The following RIGI variants were observed in gnomAD, a reference collection of about 807,000 sequenced individuals.
RIGI encodes antiviral innate immune response receptor RIG-I.
chr9:32,456,290 T>C, the RIGI span: 2 of 152,116 alleles, frequency 1.3e-5, no homozygotes, highest in African/African-American at 4.8e-5. Flanking sequence ...TTTTATCATT[T>C]TTATGCTCTC....
the RIGI span, among the ~76,000 whole-genome samples, chr9:32,479,852 G>T: frequency 5.5e-5 from 8 of 145,396 alleles, no homozygotes; most frequent in Non-Finnish European, 1.2e-4. Context: ...AAAAAAAAAA[G>T]TATACATAAA....
the RIGI span, among the ~76,000 whole-genome samples, chr9:32,470,581 T>C: frequency 6.6e-6 from 1 of 152,222 alleles, no homozygotes; most frequent in Non-Finnish European, 1.5e-5. Context: ...AGCCAGATTT[T>C]GCTACTGACA....
the RIGI span, among the ~76,000 whole-genome samples, chr9:32,486,345 C>G: frequency 6.7e-6 from 1 of 150,326 alleles, no homozygotes; most frequent in African/African-American, 2.5e-5. Context: ...TCCAGCTACT[C>G]AGGAGACTGA....
the RIGI span, among the ~76,000 whole-genome samples, chr9:32,505,282 A>C: frequency 6.6e-6 from 1 of 152,010 alleles, no homozygotes; most frequent in East Asian, 1.9e-4. Flanking sequence ...AAAAATGTAA[A>C]TCAACTTCAT....
the RIGI span, chr9:32,456,865 G>C: frequency 2.4e-6 from 1 of 414,950 alleles, no homozygotes; most frequent in African/African-American, 2.0e-5. Context: ...GTTGGCAGTT[G>C]ACTCTAAAAA....
the RIGI span, among the ~76,000 whole-genome samples, chr9:32,504,810 TAA>T: frequency 4.4e-5 from 6 of 135,498 alleles, no homozygotes; most frequent in African/African-American, 1.6e-4. Context: ...ATAAAATATA[TAA>T]AATATATTTA....
chr9:32,506,223 A>G, the RIGI span, among the ~76,000 whole-genome samples: 1 of 152,180 alleles, frequency 6.6e-6, no homozygotes, highest in African/African-American at 2.4e-5. Context: ...GTCTCAATCA[A>G]TCAATCAATC....
At chr9:32,475,934 T>G in the RIGI span, among the ~76,000 whole-genome samples, 1 of 152,090 alleles carries the variant, frequency 6.6e-6, no homozygotes, top group African/African-American at 2.4e-5. Context: ...ACAGAGGACT[T>G]TTTTGTCAGA....
At chr9:32,487,725 G>T in the RIGI span, 14 of 1,443,304 alleles carry the variant, frequency 9.7e-6, no homozygotes, top group African/African-American at 1.4e-4. Flanking sequence ...GGGGTAGGGC[G>T]TTTTTTTGTT....
the RIGI span, chr9:32,485,076 T>G: frequency 1.2e-6 from 1 of 835,874 alleles, no homozygotes; most frequent in South Asian, 1.8e-5. Flanking sequence ...GGATATGGTC[T>G]TGACATTGTC....
the RIGI span, among the ~76,000 whole-genome samples, chr9:32,502,923 G>C: frequency 6.6e-6 from 1 of 152,144 alleles, no homozygotes; most frequent in Non-Finnish European, 1.5e-5. Context: ...TGACCTCATC[G>C]TAACTAATTA....
At chr9:32,481,865 G>A in the RIGI span, among the ~76,000 whole-genome samples, 13 of 152,282 alleles carry the variant, frequency 8.5e-5, no homozygotes, top group East Asian at 1.2e-3. Context: ...GATTACAGGC[G>A]TGAGCCACTG....
chr9:32,511,111 A>G, the RIGI span, among the ~76,000 whole-genome samples: 1 of 152,212 alleles, frequency 6.6e-6, no homozygotes, highest in Non-Finnish European at 1.5e-5. Flanking sequence ...AGACCTACAA[A>G]GAGACTTAGA....
chr9:32,459,315 G>T, the RIGI span: 1 of 1,569,204 alleles, frequency 6.4e-7, no homozygotes, highest in Non-Finnish European at 8.6e-7. Context: ...TTCACCAACA[G>T]TAAGCTGTAG....
the RIGI span, chr9:32,459,616 A>ATGT: frequency 1.8e-6 from 2 of 1,112,542 alleles, no homozygotes; most frequent in Non-Finnish European, 2.5e-6. Flanking sequence ...GCACATGTAT[A>ATGT]ATCATTCATA....
At chr9:32,482,893 T>TCAC in the RIGI span, among the ~76,000 whole-genome samples, 2 of 151,640 alleles carry the variant, frequency 1.3e-5, no homozygotes, top group African/African-American at 4.8e-5. Flanking sequence ...AGGACTCAGT[T>TCAC]CACCCTATGT....
At chr9:32,487,929 C>T in the RIGI span, 1 of 1,612,340 alleles carries the variant, frequency 6.2e-7, no homozygotes, top group Non-Finnish European at 8.5e-7. Context: ...AAGCATTCGT[C>T]TGACTTTGGA....
the RIGI span, among the ~76,000 whole-genome samples, chr9:32,518,664 T>C: frequency 2.6e-5 from 4 of 152,246 alleles, no homozygotes; most frequent in African/African-American, 7.2e-5. Context: ...AAGAAACACA[T>C]TGGCAGTTTG....
chr9:32,515,138 A>T, the RIGI span, among the ~76,000 whole-genome samples: 3 of 152,116 alleles, frequency 2.0e-5, no homozygotes, highest in Non-Finnish European at 2.9e-5. Flanking sequence ...ATGGTGGCTC[A>T]CGCCTGTAAT....
Sources: allele counts gnomAD v4.1 joint callset (sites outside exome capture counted in the v4.1 genomes callset), GRCh38; gene constraint gnomAD v4.1.1; transcripts MANE v1.5; gene names NCBI Gene and HGNC (gene_info 2026-07-23, HGNC 2026-07-21).